Variants in FAM118A observed in about 807,000 individuals in gnomAD.
FAM118A encodes the protein SIR2 antiphage like 2, also known as protein FAM118A.
A neutral mutation model predicts 38.2 loss-of-function variants in FAM118A; 25 were observed. The observed-to-expected ratio is 0.65, with a 90% confidence interval of 0.48 to 0.91. The LOEUF (loss-of-function observed/expected upper bound fraction) is 0.91. Ranked by LOEUF, FAM118A falls within the 40% of genes least tolerant of loss-of-function variation. The pLI is 0.00. For synonymous variants in FAM118A, 178 were observed against 184.1 expected, an observed-to-expected ratio of 0.97 and a Z score of 0.27; for missense variants, 425 against 463.3, an observed-to-expected ratio of 0.92 and a Z score of 0.76.
intron 2 of FAM118A, 83 bp downstream of exon 2, chr22:45,322,509 T>C: frequency 8.1e-7 from 1 of 1,228,542 alleles, no homozygotes; most frequent in Non-Finnish European, 1.2e-6. Context: ...CGTTCTTTAG[T>C]ACCTGCAAGG....
chr22:45,337,532 A>C (rs768300878), intron 8 of FAM118A, among the ~76,000 whole-genome samples: 1 of 152,080 alleles, frequency 6.6e-6, no homozygotes, highest in African/African-American at 2.4e-5. Flanking sequence ...TTTGTGTTCC[A>C]AAAACTAACG....
Position 45,341,429 on chromosome 22 carries a change from A to T in FAM118A, c.*1024A>T, listed in dbSNP as rs1044744. 2 of 152,114 alleles carry T rather than the reference A, an allele frequency of 1.3e-5. No individual in the cohort carries two copies. Among genetic ancestry groups the T allele is most frequent in the South Asian group, 4.1e-4 (2 of 4,830 alleles). 9.4% of individuals were successfully genotyped at this position (152,114 alleles called of 1,614,324 possible). On this transcript the variant is annotated 3_prime_UTR_variant, in exon 9 of 9. Transcript: ENST00000441876. ...TTCGAGAGACCAGGTTTCAAACATT[A>T]TAAGTTCCAGGCTTTGCAAGTCTTT...
At position 45,311,200 on chromosome 22, in the gene FAM118A, C is replaced by T. The variant is rs188421960; in HGVS notation, c.-10+1017C>T. 5.3e-5 allele frequency among the ~76,000 whole-genome samples: 8 copies of T among 152,236 alleles called. No homozygotes were observed. The East Asian group carries it at 1.5e-3, about 29-fold the overall frequency. ...AGGTTGAGCTAGAGGAGAAGTTTGCCAGGGTCATTCCAGGCAGAGTTTCAG... is the reference window on the plus strand; with the variant it reads ...AGGTTGAGCTAGAGGAGAAGTTTGCTAGGGTCATTCCAGGCAGAGTTTCAG... On this transcript the variant is annotated intron_variant, in intron 1 of 8. Coordinates refer to ENST00000441876, the MANE Select transcript of FAM118A (RefSeq NM_017911.4).
chr22:45,327,820 C>T (rs2146669293), intron 3 of FAM118A, 22 bp from the exon 4 acceptor site: 1 of 1,613,022 alleles, frequency 6.2e-7, no homozygotes, highest in African/African-American at 1.3e-5. Flanking sequence ...GTTTTGGTAA[C>T]TGTCGTTCCA....
chr22:45,338,639 C>G (rs548782651), intron 8 of FAM118A, among the ~76,000 whole-genome samples: 1 of 152,206 alleles, frequency 6.6e-6, no homozygotes, highest in South Asian at 2.1e-4. Context: ...TTCCTGAAAA[C>G]ATTGAGAGAG....
chr22:45,334,691 C>T (rs754598090), intron 6 of FAM118A, among the ~76,000 whole-genome samples: 2 of 152,198 alleles, frequency 1.3e-5, no homozygotes, highest in Admixed American at 6.5e-5. Flanking sequence ...AGGCACATAA[C>T]GTGCCCAGAC....
chr22:45,337,892 C>T (rs1479967430), intron 8 of FAM118A: 2 of 985,142 alleles, frequency 2.0e-6, no homozygotes, highest in African/African-American at 3.5e-5. Context: ...CGTTGTGATT[C>T]CCCCGGACTC....
chr22:45,313,150 G>A (rs1466968641), intron 1 of FAM118A, among the ~76,000 whole-genome samples: 3 of 151,992 alleles, frequency 2.0e-5, no homozygotes, highest in African/African-American at 7.3e-5. Context: ...GTAGTAAGAC[G>A]GGAAACAGGA....
At chr22:45,338,325 A>T (rs2009848) in intron 8 of FAM118A, among the ~76,000 whole-genome samples, 2 of 151,764 alleles carry the variant, frequency 1.3e-5, no homozygotes, top group Admixed American at 1.3e-4. Context: ...CGCTTCTTGG[A>T]TTCAAGCTGT....
intron 4 of FAM118A, chr22:45,329,262 G>A (rs1601950639): frequency 1.3e-5 from 2 of 152,302 alleles, no homozygotes; most frequent in South Asian, 4.1e-4. Context: ...TGGTCAAAAG[G>A]TATGAATGTT....
chr22:45,315,350 C>T (rs1265176687), intron 1 of FAM118A, among the ~76,000 whole-genome samples: 1 of 152,052 alleles, frequency 6.6e-6, no homozygotes, highest in Non-Finnish European at 1.5e-5. Flanking sequence ...TTCATATTTT[C>T]TGTAAATTGA....
At chr22:45,310,952 A>T (rs920528820) in intron 1 of FAM118A, among the ~76,000 whole-genome samples, 71 of 152,226 alleles carry the variant, frequency 4.7e-4, no homozygotes, top group African/African-American at 1.6e-3. Context: ...GATAGGCTCC[A>T]GGAATTGACA....
At chr22:45,322,764 C>G (rs1023522924) in intron 2 of FAM118A, among the ~76,000 whole-genome samples, 3 of 152,200 alleles carry the variant, frequency 2.0e-5, no homozygotes, top group African/African-American at 7.2e-5. Flanking sequence ...GAGGTACTTA[C>G]TGTTGGGATT....
At chr22:45,339,794 T>A (rs1012816223) in intron 8 of FAM118A, among the ~76,000 whole-genome samples, 1 of 152,240 alleles carries the variant, frequency 6.6e-6, no homozygotes, top group Non-Finnish European at 1.5e-5. Flanking sequence ...TACCTCTGAC[T>A]GGTGTGCACA....
chr22:45,327,601 C>T (rs1000415743), intron 3 of FAM118A, among the ~76,000 whole-genome samples: 2 of 152,178 alleles, frequency 1.3e-5, no homozygotes, highest in Non-Finnish European at 2.9e-5. Context: ...TGGTCCTGTC[C>T]ACCTCCCCTG....
chr22:45,318,005 C>T (rs2084683098), intron 1 of FAM118A, among the ~76,000 whole-genome samples: 1 of 152,220 alleles, frequency 6.6e-6, no homozygotes, highest in Non-Finnish European at 1.5e-5. Flanking sequence ...TAACATCCTA[C>T]CACGGTAGGG....
At position 45,337,820 on chromosome 22, in the gene FAM118A, C is replaced by A. The variant is rs555088240; in HGVS notation, c.1054+1409C>A. ...CCAGTGTGGGGTCGCCTCCTGAGGG[C>A]CATGTGTCTGCAGGTGTCTGTGCCA... is the stretch of plus-strand genomic sequence containing the variant. On this transcript the variant is annotated intron_variant, in intron 8 of 8. Transcript: ENST00000441876. 127 of 985,234 alleles carry A rather than the reference C, an allele frequency of 1.3e-4. 1 individual carries two copies. In the Middle Eastern group the frequency reaches 4.2e-3, roughly 32 times the overall value. 61.0% of individuals were successfully genotyped at this position (985,234 alleles called of 1,614,324 possible). A position where few individuals can be genotyped will look rare whatever the true frequency, so the allele number is the denominator to read the frequency against.
At chr22:45,328,600 C>T (rs1347002162) in intron 4 of FAM118A, 1 of 631,110 alleles carries the variant, frequency 1.6e-6, no homozygotes, top group East Asian at 2.7e-5. Flanking sequence ...CCACTTATTC[C>T]AGCCTGGGTG....
At chr22:45,313,336 T>G (rs1473350816) in intron 1 of FAM118A, among the ~76,000 whole-genome samples, 3 of 150,890 alleles carry the variant, frequency 2.0e-5, no homozygotes, top group Admixed American at 2.0e-4. Flanking sequence ...TTTTTTTTTT[T>G]TTTGAGATGG....
Sources: gnomAD v4.1 joint callset for allele counts (sites outside exome capture counted in the v4.1 genomes callset) on GRCh38, gnomAD v4.1.1 for gene constraint, MANE v1.5 for transcripts, NCBI Gene and HGNC (gene_info 2026-07-23, HGNC 2026-07-21) for gene names.